The following ZNF93 variants were observed in gnomAD, a reference collection of about 807,000 sequenced individuals.
ZNF93 encodes the protein zinc finger protein 93, also known as zinc finger protein 505.
In ZNF93, 29 loss-of-function variants were observed where a neutral mutation model predicts 45.0. That is an observed-to-expected ratio of 0.64 (90% CI 0.48 to 0.88). The LOEUF is 0.88. ZNF93 is among the 40% of genes least tolerant of loss of function. The pLI, the probability that ZNF93 is intolerant of heterozygous loss-of-function variation, is 0.00. For synonymous variants in ZNF93, 223 were observed against 244.6 expected (o/e 0.91, Z 0.82); for missense variants, 578 against 724.0 (o/e 0.80, Z 2.31).
At chr19:19,918,281 C>T (rs1198473117) in intron 3 of ZNF93, among the ~76,000 whole-genome samples, 1 of 152,116 alleles carries the variant, frequency 6.6e-6, no homozygotes, top group Non-Finnish European at 1.5e-5. Flanking sequence ...GACATGAACT[C>T]ATCATTTTTT....
In ZNF93 at chr19:19,934,594, C is replaced by A; in HGVS notation, c.1639C>A (p.His547Asn). Residue 547 changes from histidine (H) to asparagine (N), a missense_variant, in exon 4 of 4, where the codon CAC becomes AAC. By Grantham distance (68) the His-to-Asn change is moderately conservative. Transcript: ENST00000343769. ...YKCEECGKAF[H>N]LSTHLTTHKI... ...ATGTGAAGAATGTGGCAAAGCTTTT[C>A]ACCTATCCACACACCTTACTACACA... The A allele has an allele frequency of 6.2e-7, 1 of 1,611,996 alleles. No homozygotes were observed. The highest frequency in any genetic ancestry group is 8.5e-7 in the Non-Finnish European group (1 of 1,179,422).
chr19:19,924,212 A>G (rs2063349938), intron 3 of ZNF93, among the ~76,000 whole-genome samples: 1 of 151,016 alleles, frequency 6.6e-6, no homozygotes, highest in Non-Finnish European at 1.5e-5. Flanking sequence ...CTCAGCCTCC[A>G]GAGTAGCTTG....
At chr19:19,923,939 G>A (rs1009761596) in intron 3 of ZNF93, among the ~76,000 whole-genome samples, 9 of 152,108 alleles carry the variant, frequency 5.9e-5, no homozygotes, top group Non-Finnish European at 1.3e-4. Context: ...CCCCTTGTCC[G>A]ACAATTCCCA....
chr19:19,903,374 G>C (rs1196291491), intron 1 of ZNF93, among the ~76,000 whole-genome samples: 1 of 152,206 alleles, frequency 6.6e-6, no homozygotes, highest in Non-Finnish European at 1.5e-5. Context: ...TTGACTCAGA[G>C]TGAGGGTAGC....
At chr19:19,910,644 T>G (rs2063305093) in intron 1 of ZNF93, among the ~76,000 whole-genome samples, 1 of 134,778 alleles carries the variant, frequency 7.4e-6, no homozygotes, top group African/African-American at 3.5e-5. Flanking sequence ...ATTCATGTTC[T>G]TTCAGCTTTT....
At chr19:19,929,386 G>T (rs1481448928) in intron 3 of ZNF93, among the ~76,000 whole-genome samples, 6 of 152,070 alleles carry the variant, frequency 3.9e-5, no homozygotes, top group Non-Finnish European at 8.8e-5. Context: ...TTTTTTGGTT[G>T]TTATTTTTTA....
rs779757905 is a variant in ZNF93 at position 19,934,350 on chromosome 19, C to T, written c.1395C>T (p.Ser465=). The change falls in exon 4 of 4, where the codon TCC becomes TCT. Residue 465 remains serine (S), a synonymous_variant. Transcript: ENST00000343769. ...AATGTGGCAAAGCTTTTAACCAGTC[C>T]TCATCCCTTACTAAACATAAGAAAA... ...CEECGKAFNQ[S]SSLTKHKKIH... 69 of 1,613,618 alleles carry T rather than the reference C, an allele frequency of 4.3e-5. No individual in the cohort carries two copies. The highest frequency in any genetic ancestry group is 5.6e-5 in the Non-Finnish European group (66 of 1,179,952).
intron 3 of ZNF93, among the ~76,000 whole-genome samples, chr19:19,929,007 C>T (rs2063364283): frequency 1.3e-5 from 2 of 152,010 alleles, no homozygotes; most frequent in East Asian, 1.9e-4. Context: ...TCAATGTTGG[C>T]TATGGGACCT....
intron 3 of ZNF93, among the ~76,000 whole-genome samples, chr19:19,919,029 T>A (rs183829034): frequency 6.6e-6 from 1 of 151,878 alleles, no homozygotes; most frequent in Non-Finnish European, 1.5e-5. Context: ...AGTCCTTGCC[T>A]GCCTATGTCC....
rs1282647476 is a variant in ZNF93 at position 19,933,213 on chromosome 19, G to A, written c.258G>A (p.Trp86Ter). The A allele has an allele frequency of 1.3e-6, 2 of 1,566,068 alleles. No homozygotes were observed. The change falls in exon 4 of 4, where the codon TGG becomes TGA. Residue 86 changes from tryptophan to a stop codon, truncating the protein, a stop_gained. Transcript: ENST00000343769. LOFTEE classifies it high-confidence loss of function. ...GTTCTCATTTTGCCCAAGATCTTTG[G>A]CCAGAGCAGAACATAAAAGATTCTT... ...VICSHFAQDLWPEQNIKDSFQ... is the reference protein window; with the variant it reads ...VICSHFAQDL
chr19:19,928,495 A>G (rs1280348206), intron 3 of ZNF93, among the ~76,000 whole-genome samples: 1 of 151,930 alleles, frequency 6.6e-6, no homozygotes, highest in African/African-American at 2.4e-5. Context: ...TTATTAGAAA[A>G]CAACCCAGTG....
At chr19:19,924,574 CT>C (rs2063350986) in intron 3 of ZNF93, among the ~76,000 whole-genome samples, 1 of 143,180 alleles carries the variant, frequency 7.0e-6, no homozygotes, top group Admixed American at 6.8e-5. Flanking sequence ...GTGTGGGTTT[CT>C]TTTTTTCTTT....
At chr19:19,912,566 T>G (rs1185393868) in intron 1 of ZNF93, among the ~76,000 whole-genome samples, 1 of 152,240 alleles carries the variant, frequency 6.6e-6, no homozygotes, top group African/African-American at 2.4e-5. Flanking sequence ...GCAACTTGTT[T>G]TCTATTCCTG....
chr19:19,921,713 CT>C (rs1224175616), intron 3 of ZNF93, among the ~76,000 whole-genome samples: 4 of 151,810 alleles, frequency 2.6e-5, no homozygotes, highest in African/African-American at 9.7e-5. Flanking sequence ...TTCTTTGTCT[CT>C]TTTGATCTTT....
intron 1 of ZNF93, among the ~76,000 whole-genome samples, chr19:19,914,087 G>T (rs185672105): frequency 1.7e-3 from 263 of 152,278 alleles, no homozygotes; most frequent in Middle Eastern, 0.014. Flanking sequence ...TTATCAGCAA[G>T]AATTTATGAT....
Position 19,923,621 on chromosome 19 carries a change from C to T in ZNF93, c.226+6966C>T, listed in dbSNP as rs940670540. ...CTACTCAAGCCTCAGCAATGGCAGG[C>T]GCCCCTCCCCCAGCCTCGCTGGTGC... On this transcript the variant is annotated intron_variant, in intron 3 of 3. Coordinates refer to ENST00000343769, the MANE Select transcript of ZNF93 (RefSeq NM_031218.4). 2.6e-5 allele frequency among the ~76,000 whole-genome samples: 4 copies of T among 152,256 alleles called. 1 individual carries two copies. In the South Asian group the frequency reaches 6.2e-4, roughly 24 times the overall value.
chr19:19,929,258 C>T (rs908589523), intron 3 of ZNF93, among the ~76,000 whole-genome samples: 2 of 152,164 alleles, frequency 1.3e-5, no homozygotes, highest in African/African-American at 4.8e-5. Context: ...CTGGCACACA[C>T]TTCTTATACA....
intron 3 of ZNF93, among the ~76,000 whole-genome samples, chr19:19,930,729 G>A (rs552945954): frequency 1.3e-5 from 2 of 151,998 alleles, no homozygotes; most frequent in South Asian, 4.2e-4. Context: ...TATAGATCGA[G>A]GATTATTATA....
intron 3 of ZNF93, among the ~76,000 whole-genome samples, chr19:19,919,014 C>A (rs940681908): frequency 6.6e-6 from 1 of 152,080 alleles, no homozygotes; most frequent in Non-Finnish European, 1.5e-5. Flanking sequence ...TTGTTTTAGA[C>A]GTGAAGTCCT....
Sources: allele counts gnomAD v4.1 joint callset (sites outside exome capture counted in the v4.1 genomes callset), GRCh38; gene constraint gnomAD v4.1.1; transcripts MANE v1.5; gene names NCBI Gene and HGNC (gene_info 2026-07-23, HGNC 2026-07-21).